The following SOBP variants were observed in gnomAD, a reference collection of about 807,000 sequenced individuals.
The protein encoded by SOBP is sine oculis-binding protein homolog.
Under a neutral mutation model 53.6 loss-of-function variants are expected in SOBP, and 4 were observed. The ratio of observed to expected loss-of-function variants is 0.07; its 90% CI spans 0.04 to 0.17. The LOEUF is 0.17. Ranked by LOEUF, SOBP falls within the 10% of genes least tolerant of loss-of-function variation. The probability of loss-of-function intolerance (pLI) is 1.00; values close to 1 mark genes in which losing one functional copy is unlikely to be tolerated. For synonymous variants in SOBP, 584 were observed against 522.6 expected (o/e 1.12, Z -1.60); for missense variants, 1,088 against 1,204.7 (o/e 0.90, Z 1.43).
At chr6:107,519,862 C>T (rs188869014) in intron 3 of SOBP, among the ~76,000 whole-genome samples, 2 of 152,222 alleles carry the variant, frequency 1.3e-5, no homozygotes, top group Admixed American at 1.3e-4. Context: ...GGATCACATG[C>T]CCATTAAAGC....
At chr6:107,525,248 G>A (rs973019050) in intron 3 of SOBP, among the ~76,000 whole-genome samples, 1 of 152,200 alleles carries the variant, frequency 6.6e-6, no homozygotes, top group Non-Finnish European at 1.5e-5. Flanking sequence ...CAGAGGCGAG[G>A]TTGTCAAAGA....
chr6:107,657,248 A>G (rs1224386722), intron 6 of SOBP, among the ~76,000 whole-genome samples: 1 of 152,186 alleles, frequency 6.6e-6, no homozygotes, highest in Non-Finnish European at 1.5e-5. Context: ...AGAAGGCTGC[A>G]GGTATCAAGA....
chr6:107,523,780 T>TC (rs1783582291), intron 3 of SOBP, among the ~76,000 whole-genome samples: 1 of 152,248 alleles, frequency 6.6e-6, no homozygotes, highest in Admixed American at 6.5e-5. Flanking sequence ...GCTCCTATGA[T>TC]CCTTCATGGT....
At chr6:107,532,269 ACAC>A (rs1292422675) in intron 3 of SOBP, among the ~76,000 whole-genome samples, 36 of 145,404 alleles carry the variant, frequency 2.5e-4, no homozygotes, top group African/African-American at 9.0e-4. Context: ...ACACACACAC[ACAC>A]CACACACACA....
chr6:107,525,523 G>A (rs115202128), intron 3 of SOBP, among the ~76,000 whole-genome samples: 126 of 152,258 alleles, frequency 8.3e-4, no homozygotes, highest in African/African-American at 2.9e-3. Context: ...TTTGACTCTG[G>A]AGTCACCTTC....
chr6:107,604,282 GGT>G (rs1786287996), intron 5 of SOBP, among the ~76,000 whole-genome samples: 1 of 152,136 alleles, frequency 6.6e-6, no homozygotes, highest in Non-Finnish European at 1.5e-5. Flanking sequence ...GACTGTTTCT[GGT>G]ATCCTATTAG....
At chr6:107,527,167 C>T (rs777827463) in intron 3 of SOBP, among the ~76,000 whole-genome samples, 1 of 152,238 alleles carries the variant, frequency 6.6e-6, no homozygotes, top group African/African-American at 2.4e-5. Context: ...GCAAACTTCT[C>T]AGGCACTTAG....
intron 5 of SOBP, among the ~76,000 whole-genome samples, chr6:107,610,753 T>A (rs1295983316): frequency 1.3e-5 from 2 of 151,930 alleles, no homozygotes; most frequent in Non-Finnish European, 2.9e-5. Flanking sequence ...TCCCCATCTT[T>A]CTCTTTCTTT....
chr6:107,634,462 C>A lies in SOBP; in HGVS notation c.1618C>A (p.Pro540Thr), dbSNP rs1306190535. The change falls in exon 6 of 7, where the codon CCC becomes ACC. Residue 540 changes from proline to threonine, a missense_variant. By Grantham distance (38) the Pro-to-Thr change is conservative. This residue lies in a region of SOBP where 665 missense variants were observed against 629.7 expected (regional missense o/e 1.06). Transcript: ENST00000317357. This position sits in a 1 kb window ranked among gnomAD's most constrained non-coding sequence, Gnocchi z 4.5. ...IVPLPVPIPI[P>T]IPIPHVSDSK... Reference sequence around the variant, plus strand: ...GCCCCTACCGGTGCCCATCCCCATCCCCATCCCTATCCCTCACGTCAGCGA... The same window carrying A: ...GCCCCTACCGGTGCCCATCCCCATCACCATCCCTATCCCTCACGTCAGCGA... 1 of 1,611,012 alleles carries A rather than the reference C, an allele frequency of 6.2e-7. No individual in the cohort carries two copies. The highest frequency in any genetic ancestry group is 1.3e-5 in the African/African-American group (1 of 75,034).
At chr6:107,498,617 A>T (rs1782757723) in intron 1 of SOBP, among the ~76,000 whole-genome samples, 1 of 152,208 alleles carries the variant, frequency 6.6e-6, no homozygotes, top group African/African-American at 2.4e-5. Context: ...TTGAACTTTG[A>T]CATTTGTACA....
intron 5 of SOBP, among the ~76,000 whole-genome samples, chr6:107,623,363 C>A (rs847018): frequency 0.97 from 148,024 of 152,328 alleles, 72,002 homozygotes; most frequent in East Asian, 1. Context: ...TGGATAGATC[C>A]GTATTTAGAG....
chr6:107,547,845 G>A lies in SOBP; in HGVS notation c.573+14235G>A, dbSNP rs1784346281. Among the ~76,000 whole-genome samples the A allele has an allele frequency of 2.6e-5, 4 of 152,188 alleles. No individual in the cohort carries two copies. The South Asian group carries it at 8.3e-4, about 32-fold the overall frequency. Reference sequence around the variant, plus strand: ...TCCTGGTCTTGCAGTTAAGTGTTCAGATGTCATGCTTCGGGGTCCAAGTTG... The same window carrying A: ...TCCTGGTCTTGCAGTTAAGTGTTCAAATGTCATGCTTCGGGGTCCAAGTTG... On this transcript the variant is annotated intron_variant, in intron 4 of 6. Coordinates refer to ENST00000317357, the MANE Select transcript of SOBP (RefSeq NM_018013.4).
At chr6:107,587,031 T>C (rs1785590275) in intron 4 of SOBP, 49 bp from the exon 5 acceptor site, 6 of 1,406,686 alleles carry the variant, frequency 4.3e-6, no homozygotes, top group East Asian at 2.3e-5. Context: ...TAGCTTTTTT[T>C]CTTCCATTAT....
At chr6:107,536,573 G>A (rs759220722) in intron 4 of SOBP, among the ~76,000 whole-genome samples, 1 of 152,180 alleles carries the variant, frequency 6.6e-6, no homozygotes, top group Non-Finnish European at 1.5e-5. Flanking sequence ...CGGGTTGAAA[G>A]TGTCACATAC....
chr6:107,555,206 A>G (rs933567275), intron 4 of SOBP, among the ~76,000 whole-genome samples: 32 of 152,206 alleles, frequency 2.1e-4, no homozygotes, highest in South Asian at 1.2e-3. Context: ...TGAAAAAAAA[A>G]AAAAAAGATA....
chr6:107,635,285 A>G lies in SOBP; in HGVS notation c.2441A>G (p.His814Arg). 6.2e-7 allele frequency: 1 copy of G among 1,613,902 alleles called. No individual in the cohort carries two copies. The highest frequency in any genetic ancestry group is 8.5e-7 in the Non-Finnish European group (1 of 1,180,010). The change falls in exon 6 of 7, where the codon CAT becomes CGT. Residue 814 changes from histidine (H) to arginine (R), a missense_variant. By Grantham distance (29) the His-to-Arg change is conservative. Transcript: ENST00000317357. The surrounding 1 kb of genome is among the most constrained non-coding windows in gnomAD (Gnocchi z 4.5). Reference protein sequence around the residue: ...PNLNNPADEDHAYALRMLPKT... With the variant: ...PNLNNPADEDRAYALRMLPKT... The stretch of plus-strand genomic sequence containing the variant: ...CTTAATAACCCCGCGGACGAGGACC[A>G]TGCCTATGCTCTGCGGATGCTGCCC...
intron 4 of SOBP, among the ~76,000 whole-genome samples, chr6:107,536,465 A>C (rs1784001181): frequency 1.3e-5 from 2 of 151,752 alleles, no homozygotes; most frequent in South Asian, 2.1e-4. Context: ...AAATAACCCA[A>C]CTCTCAAAAT....
intron 6 of SOBP, among the ~76,000 whole-genome samples, chr6:107,657,054 G>A (rs540896578): frequency 6.6e-6 from 1 of 152,216 alleles, no homozygotes; most frequent in African/African-American, 2.4e-5. Flanking sequence ...AAAGTGTGTC[G>A]AGCGCCCACA....
At chr6:107,507,643 G>T (rs1273270596) in intron 3 of SOBP, among the ~76,000 whole-genome samples, 1 of 152,064 alleles carries the variant, frequency 6.6e-6, no homozygotes. Context: ...TATCGTTAAT[G>T]TTAATGTATT....
Sources: allele counts gnomAD v4.1 joint callset (sites outside exome capture counted in the v4.1 genomes callset), GRCh38; gene constraint gnomAD v4.1.1; regional missense constraint gnomAD v4.1.1; non-coding constraint Gnocchi (gnomAD v3.1); transcripts MANE v1.5; gene names NCBI Gene and HGNC (gene_info 2026-07-23, HGNC 2026-07-21).